MMP20: variants seen among roughly 807,000 people sequenced by gnomAD.
The protein encoded by MMP20 is matrix metallopeptidase 20, also known as matrix metalloproteinase-20.
A neutral mutation model predicts 51.8 loss-of-function variants in MMP20; 50 were observed. The ratio of observed to expected loss-of-function variants is 0.97; its 90% CI spans 0.77 to 1.22. The LOEUF is 1.22. MMP20 is among the 50% of genes most tolerant of loss of function. The pLI, the probability that MMP20 is intolerant of heterozygous loss-of-function variation, is 0.00. For synonymous variants in MMP20, 244 were observed against 216.2 expected, an observed-to-expected ratio of 1.13 and a Z score of -1.13; for missense variants, 663 against 601.4, an observed-to-expected ratio of 1.10 and a Z score of -1.07.
chr11:102,598,569 T>C (rs1355009815), intron 6 of MMP20, among the ~76,000 whole-genome samples: 1 of 152,212 alleles, frequency 6.6e-6, no homozygotes, highest in East Asian at 1.9e-4. Context: ...AAGTTTCATA[T>C]TCTTTAAAAT....
At position 102,594,722 on chromosome 11, in the gene MMP20, C is replaced by G; in HGVS notation, c.989G>C (p.Gly330Ala). ...FWRRQVHLRT[G>A]IRPSTITSSF... ...GCTGGTAATAGTGCTGGGCCGAATT[C>G]CTGTCCGCAAGTGAACCTGCCGTCT... Residue 330 changes from glycine to alanine, a missense_variant, in exon 7 of 10, where the codon GGA becomes GCA. Physicochemically the swap from Gly to Ala is moderately conservative, Grantham distance 60. Coordinates refer to ENST00000260228, the MANE Select transcript of MMP20 (RefSeq NM_004771.4). The G allele has an allele frequency of 6.2e-7, 1 of 1,608,070 alleles. No homozygotes were observed. Among genetic ancestry groups the G allele is most frequent in the East Asian group, 2.2e-5 (1 of 44,654 alleles).
At chr11:102,619,841 G>A (rs1048809396) in intron 1 of MMP20, among the ~76,000 whole-genome samples, 2 of 151,204 alleles carry the variant, frequency 1.3e-5, no homozygotes, top group African/African-American at 4.9e-5. Context: ...TTTAAAATAT[G>A]CACAAAATGT....
At chr11:102,593,619 C>A (rs368481338) in intron 7 of MMP20, 24 bp from the exon 8 acceptor site, 2 of 1,613,522 alleles carry the variant, frequency 1.2e-6, no homozygotes, top group East Asian at 4.5e-5. Flanking sequence ...TTAAAGTTTA[C>A]GAAAACTCTG....
At chr11:102,624,409 T>TAC (rs1859791087) in intron 1 of MMP20, among the ~76,000 whole-genome samples, 2 of 5,780 alleles carry the variant, frequency 3.5e-4, no homozygotes, top group African/African-American at 8.1e-4. Flanking sequence ...AGCATATATA[T>TAC]ATATATATAT....
intron 3 of MMP20, among the ~76,000 whole-genome samples, chr11:102,610,538 A>T (rs1859584800): frequency 6.6e-6 from 1 of 152,186 alleles, no homozygotes; most frequent in Non-Finnish European, 1.5e-5. Context: ...AAGTGTCAAA[A>T]ATCTCTCTGT....
Position 102,616,808 on chromosome 11 carries a change from T to A in MMP20, c.374+4A>T. On this transcript the variant is annotated splice_donor_region_variant and intron_variant, in intron 2 of 9. Coordinates refer to ENST00000260228, the MANE Select transcript of MMP20 (RefSeq NM_004771.4). Reference sequence around the variant, plus strand: ...CTGAATTTGGAAAGACTTGATCTCATTACCTGTATGTCAAAGTATTTTTTT... The same window carrying A: ...CTGAATTTGGAAAGACTTGATCTCAATACCTGTATGTCAAAGTATTTTTTT... 1.9e-6 allele frequency: 3 copies of A among 1,614,176 alleles called. No individual in the cohort carries two copies. The highest frequency in any genetic ancestry group is 3.3e-4 in the Middle Eastern group (2 of 6,062).
intron 2 of MMP20, among the ~76,000 whole-genome samples, chr11:102,615,122 T>C (rs893687588): frequency 1.4e-5 from 2 of 147,322 alleles, no homozygotes; most frequent in Non-Finnish European, 3.0e-5. Flanking sequence ...TTATACCTAT[T>C]AAATAATATA....
chr11:102,600,945 A>G (rs1225409509), intron 6 of MMP20, among the ~76,000 whole-genome samples: 1 of 151,764 alleles, frequency 6.6e-6, no homozygotes, highest in Non-Finnish European at 1.5e-5. Context: ...AAAAAAATAC[A>G]CCCTTTTTTC....
At chr11:102,613,152 G>C (rs935738512) in intron 2 of MMP20, among the ~76,000 whole-genome samples, 1 of 152,270 alleles carries the variant, frequency 6.6e-6, no homozygotes, top group Admixed American at 6.5e-5. Context: ...CCTGAAGGCA[G>C]AAAAATGTAG....
At chr11:102,612,276 C>A (rs919497283) in intron 2 of MMP20, among the ~76,000 whole-genome samples, 1 of 152,244 alleles carries the variant, frequency 6.6e-6, no homozygotes. Flanking sequence ...ATCAGCCTAG[C>A]CAAGATGGTG....
At chr11:102,580,775 C>G (rs1285064234) in intron 8 of MMP20, among the ~76,000 whole-genome samples, 2 of 152,220 alleles carry the variant, frequency 1.3e-5, no homozygotes, top group African/African-American at 2.4e-5. Context: ...TTTTCACACT[C>G]ATTTCACAAA....
chr11:102,581,186 CACA>C (rs572598564), intron 8 of MMP20, among the ~76,000 whole-genome samples: 124 of 152,022 alleles, frequency 8.2e-4, no homozygotes, highest in African/African-American at 2.8e-3. Flanking sequence ...ACCACACACA[CACA>C]CACACACACA....
At position 102,622,173 on chromosome 11, in the gene MMP20, A is replaced by G. The variant is rs1423563605; in HGVS notation, c.126+3021T>C. Among the ~76,000 whole-genome samples, 14 of 152,318 alleles carry G rather than the reference A, an allele frequency of 9.2e-5. No individual in the cohort carries two copies. The East Asian group carries it at 2.7e-3, about 29-fold the overall frequency. On this transcript the variant is annotated intron_variant, in intron 1 of 9. Coordinates refer to ENST00000260228, the MANE Select transcript of MMP20 (RefSeq NM_004771.4). ...AGAAGCTGTTTATCTTTTCAAGTGT[A>G]GATTTTTTAGGGGAGGGAGAGGTGT...
At chr11:102,603,264 C>A (rs1234206601) in intron 6 of MMP20, among the ~76,000 whole-genome samples, 2 of 152,160 alleles carry the variant, frequency 1.3e-5, no homozygotes, top group African/African-American at 4.8e-5. Flanking sequence ...ATCAGTGGCT[C>A]CCTGGTTGCC....
At chr11:102,590,893 C>G (rs1784445) in intron 8 of MMP20, among the ~76,000 whole-genome samples, 77,278 of 152,004 alleles carry the variant, frequency 0.51, 20,246 homozygotes, top group South Asian at 0.67. Context: ...CACGAGAATG[C>G]AAGTATGTGT....
chr11:102,590,883 C>T (rs1565391186), intron 8 of MMP20, among the ~76,000 whole-genome samples: 2 of 152,086 alleles, frequency 1.3e-5, no homozygotes, highest in Non-Finnish European at 2.9e-5. Context: ...ATGAGGCAAC[C>T]ACGAGAATGC....
Position 102,590,607 on chromosome 11 carries a change from T to G in MMP20, c.1247+2832A>C, listed in dbSNP as rs562255561. On this transcript the variant is annotated intron_variant, in intron 8 of 9. Coordinates refer to ENST00000260228, the MANE Select transcript of MMP20 (RefSeq NM_004771.4). ...CAGAGACTTTTCTTCCCTTGGCACA[T>G]TACTTACGTCACAGACTGAACTAGC... Among the ~76,000 whole-genome samples the G allele has an allele frequency of 2.6e-5, 4 of 152,280 alleles. No individual in the cohort carries two copies. In the East Asian group the frequency reaches 7.7e-4, roughly 29 times the overall value.
intron 7 of MMP20, 57 bp from the exon 8 acceptor site, chr11:102,593,652 C>G (rs1859345737): frequency 6.3e-7 from 1 of 1,585,112 alleles, no homozygotes. Context: ...ATGCACTTCT[C>G]TCATAAAGAT....
intron 6 of MMP20, among the ~76,000 whole-genome samples, chr11:102,605,803 G>A (rs1158141681): frequency 6.6e-6 from 1 of 152,212 alleles, no homozygotes; most frequent in Non-Finnish European, 1.5e-5. Flanking sequence ...GCAAAGGGAG[G>A]AATGGGGTGA....
Sources: gnomAD v4.1 joint callset for allele counts (sites outside exome capture counted in the v4.1 genomes callset) on GRCh38, gnomAD v4.1.1 for gene constraint, MANE v1.5 for transcripts, NCBI Gene and HGNC (gene_info 2026-07-23, HGNC 2026-07-21) for gene names.